NUP98: variants seen among roughly 807,000 people sequenced by gnomAD.
NUP98 encodes the protein nuclear pore complex protein Nup98-Nup96.
Under a neutral mutation model 191.9 loss-of-function variants are expected in NUP98, and 26 were observed. The ratio of observed to expected loss-of-function variants is 0.14; its 90% CI spans 0.10 to 0.19. NUP98 has a LOEUF of 0.19. Among genes scored for constraint, NUP98 ranks in the 10% least tolerant of loss-of-function variants. The probability of loss-of-function intolerance (pLI) is 1.00; values close to 1 mark genes in which losing one functional copy is unlikely to be tolerated. For missense variants in NUP98, 1,941 were observed against 2,178.8 expected, an observed-to-expected ratio of 0.89 and a Z score of 2.17; for synonymous variants, 808 against 778.4, an observed-to-expected ratio of 1.04 and a Z score of -0.63.
chr11:3,783,680 C>CA (rs2082049784), intron 1 of NUP98, among the ~76,000 whole-genome samples: 1 of 152,016 alleles, frequency 6.6e-6, no homozygotes, highest in African/African-American at 2.4e-5. Context: ...GCATGGGTGA[C>CA]AAGAATGAAA....
chr11:3,691,884 C>T (rs2078323164), intron 27 of NUP98, among the ~76,000 whole-genome samples: 1 of 152,054 alleles, frequency 6.6e-6, no homozygotes, highest in South Asian at 2.1e-4. Context: ...ATTCTTAAGA[C>T]ACCTGTATTA....
At chr11:3,696,867 A>C (rs2078526228) in intron 25 of NUP98, 1 of 152,146 alleles carries the variant, frequency 6.6e-6, no homozygotes, top group African/African-American at 2.4e-5. Context: ...AGTAAAGCAA[A>C]AGCTTTTAGT....
At chr11:3,778,016 G>A (rs372350901) in intron 4 of NUP98, among the ~76,000 whole-genome samples, 1 of 151,796 alleles carries the variant, frequency 6.6e-6, no homozygotes. Context: ...GGCTAACATG[G>A]TGAAACCCCG....
chr11:3,705,444 T>C, intron 21 of NUP98, 88 bp from the exon 22 acceptor site: 1 of 1,281,172 alleles, frequency 7.8e-7, no homozygotes, highest in Non-Finnish European at 1.1e-6. Flanking sequence ...CAACCAAAAA[T>C]ATTGTTCCTC....
intron 15 of NUP98, among the ~76,000 whole-genome samples, chr11:3,724,877 C>G (rs2079557291): frequency 6.6e-6 from 1 of 151,398 alleles, no homozygotes; most frequent in South Asian, 2.1e-4. Context: ...ACAAGATACA[C>G]AAATACCAAA....
In NUP98 at chr11:3,757,135, A is replaced by ATG. The variant is rs568604284; in HGVS notation, c.1174+3402_1174+3403dup. On this transcript the variant is annotated intron_variant, in intron 10 of 32. Coordinates refer to ENST00000324932, the MANE Select transcript of NUP98 (RefSeq NM_016320.5). The stretch of plus-strand genomic sequence containing the variant: ...TCTATATATCTATATCTATATCTAT[A>ATG]TGTGTATATATATATATTTTATCAA... 4.7e-3 allele frequency among the ~76,000 whole-genome samples: 443 copies of ATG among 93,752 alleles called. 1 individual carries two copies. The highest frequency in any genetic ancestry group is 6.4e-3 in the Non-Finnish European group (322 of 49,938). The allele number at this position is 93,752 out of a possible 152,430, so 61.5% of individuals were successfully genotyped here.
chr11:3,790,996 C>G (rs941339409), intron 1 of NUP98, among the ~76,000 whole-genome samples: 1 of 151,446 alleles, frequency 6.6e-6, no homozygotes, highest in African/African-American at 2.4e-5. Context: ...CCCAGGTTCA[C>G]GACATTCTCC....
intron 5 of NUP98, among the ~76,000 whole-genome samples, chr11:3,774,344 G>A (rs935662902): frequency 1.2e-4 from 19 of 152,190 alleles, no homozygotes; most frequent in East Asian, 3.8e-4. Context: ...TCCGAGAAGC[G>A]GAGGTTGCAG....
At chr11:3,756,449 C>A (rs1209019303) in intron 10 of NUP98, among the ~76,000 whole-genome samples, 3 of 151,930 alleles carry the variant, frequency 2.0e-5, no homozygotes, top group African/African-American at 7.2e-5. Context: ...TAAATATATT[C>A]GCACACCAAA....
chr11:3,786,775 G>A lies in NUP98; in HGVS notation c.-28-4630C>T, dbSNP rs571809901. On this transcript the variant is annotated intron_variant, in intron 1 of 32. Coordinates refer to ENST00000324932, the MANE Select transcript of NUP98 (RefSeq NM_016320.5). ...TTAGTTTTCTACCCAGAAAAGTAGT[G>A]GATATCCTGAAATGTGGTCAAAACG... 2.7e-4 allele frequency among the ~76,000 whole-genome samples: 41 copies of A among 152,268 alleles called. No individual in the cohort carries two copies. The South Asian group carries it at 8.5e-3, about 32-fold the overall frequency.
intron 18 of NUP98, among the ~76,000 whole-genome samples, chr11:3,716,236 T>C (rs991922732): frequency 2.0e-5 from 3 of 152,196 alleles, no homozygotes; most frequent in Admixed American, 6.6e-5. Context: ...TTTATCCATT[T>C]TGGGTTAATC....
In NUP98 at chr11:3,710,654, A is replaced by T. The variant is rs79436403; in HGVS notation, c.2742+1910T>A. On this transcript the variant is annotated intron_variant, in intron 20 of 32. Transcript: ENST00000324932. ...GAAGACTGCTATTTCCAGTATACTC[A>T]AACGGCACAAGTAGTTTCCCCATGC... 1.4e-3 allele frequency among the ~76,000 whole-genome samples: 220 copies of T among 152,334 alleles called. 5 individuals are homozygous for T. In the East Asian group the frequency reaches 0.031, roughly 22 times the overall value.
At chr11:3,689,539 C>A (rs888873027) in intron 28 of NUP98, among the ~76,000 whole-genome samples, 8 of 151,692 alleles carry the variant, frequency 5.3e-5, no homozygotes, top group South Asian at 4.2e-4. Flanking sequence ...AAAAAAAAAA[C>A]CAAAAAACAA....
At position 3,676,677 on chromosome 11, in the gene NUP98, C is replaced by T. The variant is rs199551400; in HGVS notation, c.5074-57G>A. ...AGGGGAGTTCCTATCACTCCAATCC[C>T]ACCTATAGACTCTACACAAAACCTT... On this transcript the variant is annotated intron_variant, in intron 31 of 32. Transcript: ENST00000324932. 1.1e-4 allele frequency: 134 copies of T among 1,259,214 alleles called. 1 individual carries two copies. Among genetic ancestry groups the T allele is most frequent in the Admixed American group, 9.9e-4 (59 of 59,538 alleles). The allele number at this position is 1,259,214 out of a possible 1,614,324, so 78.0% of individuals were successfully genotyped here.
In NUP98 at chr11:3,748,517, T is replaced by C. The variant is rs541559995; in HGVS notation, c.1268-3868A>G. On this transcript the variant is annotated intron_variant, in intron 11 of 32. Coordinates refer to ENST00000324932, the MANE Select transcript of NUP98 (RefSeq NM_016320.5). ...GCCTGGGCAACAGAGCAAGAGTCCA[T>C]CTTGGAAAAAAATAAAACTTGTGGC... Among the ~76,000 whole-genome samples the C allele has an allele frequency of 6.6e-5, 10 of 152,082 alleles. No individual in the cohort carries two copies. In the East Asian group the frequency reaches 1.4e-3, roughly 21 times the overall value.
At chr11:3,692,479 T>C (rs952708920) in intron 27 of NUP98, among the ~76,000 whole-genome samples, 3 of 151,588 alleles carry the variant, frequency 2.0e-5, no homozygotes, top group Non-Finnish European at 2.9e-5. Context: ...TACAAAAAAT[T>C]AGCCAGGCGT....
intron 4 of NUP98, among the ~76,000 whole-genome samples, chr11:3,777,542 A>ACTGGGGAG (rs2081778408): frequency 6.6e-6 from 1 of 150,428 alleles, no homozygotes; most frequent in Admixed American, 6.7e-5. Flanking sequence ...ACTCGCTTAA[A>ACTGGGGAG]CTGGGGAGGC....
intron 12 of NUP98, among the ~76,000 whole-genome samples, chr11:3,740,091 G>T (rs61877592): frequency 0.05 from 7,687 of 152,236 alleles, 253 homozygotes; most frequent in Middle Eastern, 0.099. Context: ...TAACCCTCAT[G>T]TTGTCCAAGG....
At chr11:3,694,573 T>C (rs544533342) in intron 26 of NUP98, among the ~76,000 whole-genome samples, 2 of 151,434 alleles carry the variant, frequency 1.3e-5, no homozygotes, top group South Asian at 4.2e-4. Context: ...ACCCTGTCTC[T>C]ACTTAAAATA....
Sources: gnomAD v4.1 joint callset for allele counts (sites outside exome capture counted in the v4.1 genomes callset) on GRCh38, gnomAD v4.1.1 for gene constraint, MANE v1.5 for transcripts, NCBI Gene and HGNC (gene_info 2026-07-23, HGNC 2026-07-21) for gene names.